Variants in ABCC4 observed in about 807,000 individuals in gnomAD.
ABCC4 encodes the protein ATP-binding cassette sub-family C member 4.
In ABCC4, 102 loss-of-function variants were observed where a neutral mutation model predicts 168.5. The observed-to-expected ratio is 0.61, with a 90% CI of 0.52 to 0.71. The LOEUF (loss-of-function observed/expected upper bound fraction) is 0.71, where lower values mean the gene tolerates loss of function less well. Among genes scored for constraint, ABCC4 ranks in the 30% least tolerant of loss-of-function variants. ABCC4 has a pLI of 0.00. For synonymous variants in ABCC4, 617 were observed against 590.7 expected, an observed-to-expected ratio of 1.04 and a Z score of -0.65; for missense variants, 1,402 against 1,605.8, an observed-to-expected ratio of 0.87 and a Z score of 2.17.
intron 19 of ABCC4, among the ~76,000 whole-genome samples, chr13:95,153,357 T>C (rs1360159653): frequency 6.6e-6 from 1 of 152,198 alleles, no homozygotes; most frequent in East Asian, 1.9e-4. Context: ...TAGTTCCAAG[T>C]TAGCCGAAGA....
chr13:95,224,319 G>A (rs2138723168), intron 4 of ABCC4, among the ~76,000 whole-genome samples: 2 of 152,068 alleles, frequency 1.3e-5, no homozygotes, highest in East Asian at 3.9e-4. Context: ...AAGGGAGAGG[G>A]GCAGACACCA....
chr13:95,257,658 A>G (rs1257607359), intron 1 of ABCC4, among the ~76,000 whole-genome samples: 9 of 56,536 alleles, frequency 1.6e-4, no homozygotes, highest in African/African-American at 3.8e-4. Flanking sequence ...GTGAGACTTC[A>G]TCTCAAAAAA....
At chr13:95,269,464 C>G (rs1300099412) in intron 1 of ABCC4, 1 of 172,636 alleles carries the variant, frequency 5.8e-6, no homozygotes, top group Non-Finnish European at 1.2e-5. Flanking sequence ...TATATACACA[C>G]AACATTGATC....
At chr13:95,267,748 T>C (rs1267179811) in intron 1 of ABCC4, among the ~76,000 whole-genome samples, 4 of 152,170 alleles carry the variant, frequency 2.6e-5, no homozygotes, top group African/African-American at 7.2e-5. Flanking sequence ...TAATATAACA[T>C]AGTGGGTCCC....
intron 11 of ABCC4, among the ~76,000 whole-genome samples, chr13:95,179,209 C>T (rs531283753): frequency 4.6e-5 from 7 of 152,152 alleles, no homozygotes; most frequent in Non-Finnish European, 7.4e-5. Context: ...CGACTTTTGC[C>T]TCAGCTTTCC....
At position 95,234,626 on chromosome 13, in the gene ABCC4, T is replaced by C. The variant is rs1017849062; in HGVS notation, c.515A>G (p.His172Arg). Residue 172 changes from histidine (H) to arginine (R), a missense_variant, in exon 4 of 31, where the codon CAT becomes CGT. By Grantham distance (29) the His-to-Arg change is conservative. This residue lies in a region of ABCC4 where 317 missense variants were observed against 345.5 expected (regional missense o/e 0.92). Transcript: ENST00000645237. ...GTCACTTACCTTCCGATAAATCATA[T>C]GGCACATGGCTACTCGTAACCTCAT... Reference protein sequence around the residue: ...AGMRLRVAMCHMIYRKALRLS... With the variant: ...AGMRLRVAMCRMIYRKALRLS... 8.1e-6 allele frequency: 13 copies of C among 1,613,692 alleles called. No individual in the cohort carries two copies. The highest frequency in any genetic ancestry group is 1.1e-5 in the Non-Finnish European group (13 of 1,179,742).
chr13:95,097,592 CTTTTTTTTTTTT>C (rs56169430), intron 20 of ABCC4, among the ~76,000 whole-genome samples: 2 of 82,110 alleles, frequency 2.4e-5, no homozygotes, highest in South Asian at 6.2e-4. Context: ...AATATACATT[CTTTTTTTTTTTT>C]TTTTTTTTTT....
intron 13 of ABCC4, among the ~76,000 whole-genome samples, chr13:95,172,504 T>G (rs2037511824): frequency 6.7e-6 from 1 of 149,208 alleles, no homozygotes; most frequent in Admixed American, 6.8e-5. Context: ...CCAGGAGGCC[T>G]GCAGTGATCC....
chr13:95,044,582 G>T (rs986719721), intron 27 of ABCC4, 144 bp from the exon 28 acceptor site: 2 of 626,178 alleles, frequency 3.2e-6, no homozygotes, highest in Admixed American at 3.7e-5. Context: ...ATTACCTCTA[G>T]TTAATGTTCA....
chr13:95,250,098 A>C (rs2040215511), intron 1 of ABCC4, among the ~76,000 whole-genome samples: 1 of 152,236 alleles, frequency 6.6e-6, no homozygotes, highest in Admixed American at 6.5e-5. Context: ...ACAAAAGTCA[A>C]CTTTGACAAG....
intron 8 of ABCC4, among the ~76,000 whole-genome samples, chr13:95,195,377 A>C (rs2038384831): frequency 6.6e-6 from 1 of 152,210 alleles, no homozygotes; most frequent in Non-Finnish European, 1.5e-5. Context: ...CATGAAAGTC[A>C]AGGCCATTCC....
intron 9 of ABCC4, among the ~76,000 whole-genome samples, chr13:95,189,433 T>C (rs1021259339): frequency 2.0e-5 from 3 of 152,228 alleles, no homozygotes; most frequent in African/African-American, 7.2e-5. Flanking sequence ...ATTCTTAATA[T>C]AATATTCAGT....
chr13:95,232,201 T>C (rs1199894127), intron 4 of ABCC4, among the ~76,000 whole-genome samples: 1 of 152,056 alleles, frequency 6.6e-6, no homozygotes, highest in Non-Finnish European at 1.5e-5. Flanking sequence ...AGCCTTGTTA[T>C]CATTTTCATG....
At chr13:95,273,008 T>C (rs1414659881) in intron 1 of ABCC4, among the ~76,000 whole-genome samples, 1 of 152,150 alleles carries the variant, frequency 6.6e-6, no homozygotes, top group Non-Finnish European at 1.5e-5. Flanking sequence ...TGACTTTATA[T>C]GACAAGAAAG....
rs918759332 is a variant in ABCC4 at position 95,135,080 on chromosome 13, G to A, written c.2456-19079C>T. On this transcript the variant is annotated intron_variant, in intron 19 of 30. Transcript: ENST00000645237. Reference sequence around the variant, plus strand: ...TTAGCTTAATTATTGTCTCCCTTACGCAAAAGCTATTTGAAAATCTCTGGA... The same window carrying A: ...TTAGCTTAATTATTGTCTCCCTTACACAAAAGCTATTTGAAAATCTCTGGA... 7.9e-5 allele frequency among the ~76,000 whole-genome samples: 12 copies of A among 152,064 alleles called. No individual in the cohort carries two copies. The South Asian group carries it at 8.3e-4, about 11-fold the overall frequency.
At chr13:95,205,881 G>A (rs1617844) in intron 8 of ABCC4, among the ~76,000 whole-genome samples, 135,368 of 152,228 alleles carry the variant, frequency 0.89, 60,372 homozygotes, top group African/African-American at 0.94. Context: ...GAAGCAGAGA[G>A]TGGTCCTTGT....
intron 29 of ABCC4, among the ~76,000 whole-genome samples, chr13:95,036,074 T>C (rs189984095): frequency 9.8e-5 from 15 of 152,318 alleles, no homozygotes; most frequent in African/African-American, 3.4e-4. Context: ...GTCCTATAAT[T>C]TGGCATGCCA....
chr13:95,088,123 A>C (rs2034316323), intron 20 of ABCC4, among the ~76,000 whole-genome samples: 1 of 152,190 alleles, frequency 6.6e-6, no homozygotes, highest in African/African-American at 2.4e-5. Context: ...TGAATGGTGT[A>C]AGGCATTAGA....
In ABCC4 at chr13:95,188,334, A is replaced by T. The variant is rs922387367; in HGVS notation, c.1353+119T>A. On this transcript the variant is annotated intron_variant, in intron 10 of 30. Coordinates refer to ENST00000645237, the MANE Select transcript of ABCC4 (RefSeq NM_005845.5). The stretch of plus-strand genomic sequence containing the variant: ...AAAACGAATGTTCCATGCACTGAGA[A>T]ATGCCGTGCCAAGTGTACCCAGTTC... 4.5e-6 allele frequency: 4 copies of T among 891,652 alleles called. No homozygotes were observed. The African/African-American group carries it at 6.6e-5, about 15-fold the overall frequency. 55.2% of individuals were successfully genotyped at this position (891,652 alleles called of 1,614,324 possible).
Sources: allele counts gnomAD v4.1 joint callset (sites outside exome capture counted in the v4.1 genomes callset), GRCh38; gene constraint gnomAD v4.1.1; regional missense constraint gnomAD v4.1.1; transcripts MANE v1.5; gene names NCBI Gene and HGNC (gene_info 2026-07-23, HGNC 2026-07-21).